Variants in MTMR10 observed in about 807,000 individuals in gnomAD.
MTMR10 encodes the protein myotubularin-related protein 10.
Under a neutral mutation model 88.1 loss-of-function variants are expected in MTMR10, and 56 were observed. That is an observed-to-expected ratio of 0.64 (90% CI 0.51 to 0.79). The LOEUF (loss-of-function observed/expected upper bound fraction) is 0.79. Ranked by LOEUF, MTMR10 falls within the 30% of genes least tolerant of loss-of-function variation. MTMR10 has a pLI of 0.00. For synonymous variants in MTMR10, 380 were observed against 340.9 expected (o/e 1.11, Z -1.26); for missense variants, 883 against 924.7 (o/e 0.95, Z 0.58).
At chr15:30,922,325 T>C in the MTMR10 span, 367 of 1,613,688 alleles carry the variant, frequency 2.3e-4, 2 homozygotes, top group East Asian at 5.5e-3. Context: ...GGCCCTTAAT[T>C]TACACCAGCA....
intron 9 of MTMR10, among the ~76,000 whole-genome samples, chr15:30,957,661 G>A (rs1014368124): frequency 2.0e-5 from 3 of 151,950 alleles, no homozygotes; most frequent in South Asian, 2.1e-4. Flanking sequence ...AGCCGAGATC[G>A]TACCACTGCA....
Position 30,991,624 on chromosome 15 carries a change from G to C in MTMR10, c.-118C>G, listed in dbSNP as rs1183076650. Reference sequence around the variant, plus strand: ...CTTTCTGCGGCCAGCCGAGCCGGGCGGACTGACGGGCGGGGATACGGCGCA... The same window carrying C: ...CTTTCTGCGGCCAGCCGAGCCGGGCCGACTGACGGGCGGGGATACGGCGCA... On this transcript the variant is annotated 5_prime_UTR_variant, in exon 1 of 16. Coordinates refer to ENST00000435680, the MANE Select transcript of MTMR10 (RefSeq NM_017762.3). 1.6e-6 allele frequency: 2 copies of C among 1,270,976 alleles called. No homozygotes were observed. The highest frequency in any genetic ancestry group is 2.1e-6 in the Non-Finnish European group (2 of 963,950). The allele number at this position is 1,270,976 out of a possible 1,614,324, so 78.7% of individuals were successfully genotyped here. A position where few individuals can be genotyped will look rare whatever the true frequency, so the allele number is the denominator to read the frequency against.
chr15:30,926,142 C>G, the MTMR10 span, among the ~76,000 whole-genome samples: 168 of 152,282 alleles, frequency 1.1e-3, 1 homozygote, highest in African/African-American at 3.8e-3. Flanking sequence ...CAGGGCCTGG[C>G]TCTGATCTTT....
chr15:30,966,887 G>A (rs1210199617), intron 6 of MTMR10, among the ~76,000 whole-genome samples: 1 of 132,768 alleles, frequency 7.5e-6, no homozygotes, highest in African/African-American at 2.8e-5. Context: ...TCCTCTCAGT[G>A]CTTAACAGAA....
At chr15:30,950,172 G>A (rs1202310328) in intron 12 of MTMR10, 1 of 152,140 alleles carries the variant, frequency 6.6e-6, no homozygotes, top group Non-Finnish European at 1.5e-5. Flanking sequence ...GATGAGTAGG[G>A]TTCTCCAATA....
In MTMR10 at chr15:30,953,465, A is replaced by G. The variant is rs1268175161; in HGVS notation, c.1136+97T>C. 3.5e-6 allele frequency: 3 copies of G among 865,016 alleles called. No individual in the cohort carries two copies. In the East Asian group the frequency reaches 8.0e-5, roughly 23 times the overall value. 53.6% of individuals were successfully genotyped at this position (865,016 alleles called of 1,614,324 possible). A position where few individuals can be genotyped will look rare whatever the true frequency, so the allele number is the denominator to read the frequency against. On this transcript the variant is annotated intron_variant, in intron 11 of 15. Transcript: ENST00000435680. ...TATTGGGGGAAGTTGGATGAAGAGT[A>G]AGTACATGGCCCTCTGTGCTATTTT...
At chr15:30,946,966 G>T (rs1459138523) in intron 14 of MTMR10, 164 bp downstream of exon 14, 3 of 924,326 alleles carry the variant, frequency 3.2e-6, no homozygotes, top group Non-Finnish European at 4.7e-6. Flanking sequence ...TAATTTCCTA[G>T]ATTTTTGTGT....
chr15:30,929,921 CATATATAATATATAAAATATATA>C, the MTMR10 span, among the ~76,000 whole-genome samples: 1 of 87,336 alleles, frequency 1.1e-5, no homozygotes, highest in Non-Finnish European at 2.1e-5. Context: ...TAATATATAT[CATATATAATATATAAAATATATA>C]ATATAATATA....
rs532079042 is a variant in MTMR10, at chr15:30,941,728, C to T, written c.2076G>A (p.Leu692=). The T allele has an allele frequency of 1.1e-5, 17 of 1,613,968 alleles. No homozygotes were observed. The East Asian group carries it at 1.6e-4, about 15-fold the overall frequency. ...LSLLADEVDV[L]SRMLRQQRSG... is the part of the protein sequence containing the mutation. ...TGCGCTGTTGCCGCAGCATCCTGCT[C>T]AGTACGTCGACTTCATCAGCCAGGA... The change falls in exon 16 of 16, where the codon CTG becomes CTA. Residue 692 remains leucine (L), a synonymous_variant. Transcript: ENST00000435680.
the MTMR10 span, chr15:30,920,402 G>A: frequency 3.2e-6 from 2 of 615,730 alleles, no homozygotes; most frequent in Non-Finnish European, 5.6e-6. Flanking sequence ...TAGGTTTGTG[G>A]TGTAGAAAAT....
chr15:30,925,693 G>C, the MTMR10 span: 1 of 1,366,712 alleles, frequency 7.3e-7, no homozygotes, highest in Non-Finnish European at 1.0e-6. Context: ...GACTGACTTT[G>C]TGGTAAGGGA....
At chr15:30,974,580 G>C in intron 4 of MTMR10, 124 bp from the exon 5 acceptor site, 2 of 948,286 alleles carry the variant, frequency 2.1e-6, no homozygotes, top group South Asian at 3.0e-5. Flanking sequence ...TGCTTGTCTA[G>C]AATGTTTCAT....
intron 2 of MTMR10, among the ~76,000 whole-genome samples, chr15:30,983,775 T>C (rs769514628): frequency 1.3e-5 from 2 of 152,242 alleles, no homozygotes; most frequent in Non-Finnish European, 2.9e-5. Context: ...CTGGTCACCC[T>C]AGCTTTAGGT....
At chr15:30,925,295 A>G in the MTMR10 span, 1 of 1,613,178 alleles carries the variant, frequency 6.2e-7, no homozygotes, top group South Asian at 1.1e-5. Context: ...GAAACACGTG[A>G]GGAAAGAGCC....
chr15:30,928,348 T>C, the MTMR10 span: 1 of 1,319,288 alleles, frequency 7.6e-7, no homozygotes, highest in African/African-American at 1.5e-5. Context: ...ATTTTTGCCC[T>C]TAAGGCTCTG....
At chr15:30,921,417 C>T in the MTMR10 span, among the ~76,000 whole-genome samples, 2 of 152,250 alleles carry the variant, frequency 1.3e-5, no homozygotes, top group East Asian at 3.9e-4. Flanking sequence ...AGAAATTTGT[C>T]GTATCCTAAA....
In MTMR10 at chr15:30,985,578, T is replaced by A. The variant is rs116176027; in HGVS notation, c.121+5199A>T. Among the ~76,000 whole-genome samples, 706 of 152,336 alleles carry A rather than the reference T, an allele frequency of 4.6e-3. 4 individuals carry two copies. The highest frequency in any genetic ancestry group is 0.016 in the African/African-American group (685 of 41,576). On this transcript the variant is annotated intron_variant, in intron 2 of 15. Transcript: ENST00000435680. ...CTCAGCAAACTATAGTTTTCACATC[T>A]GTCAAATGGAGATAAACTGGTATCC...
chr15:30,986,063 T>C (rs1255703773), intron 2 of MTMR10, among the ~76,000 whole-genome samples: 1 of 152,100 alleles, frequency 6.6e-6, no homozygotes, highest in Non-Finnish European at 1.5e-5. Context: ...ACGGCTATAA[T>C]CCCAACACTT....
chr15:30,989,239 G>A (rs1185395613), intron 2 of MTMR10, among the ~76,000 whole-genome samples: 1 of 152,038 alleles, frequency 6.6e-6, no homozygotes, highest in Non-Finnish European at 1.5e-5. Flanking sequence ...GACTAAAACA[G>A]AGCACACAGG....
Sources: gnomAD v4.1 joint callset for allele counts (sites outside exome capture counted in the v4.1 genomes callset) on GRCh38, gnomAD v4.1.1 for gene constraint, MANE v1.5 for transcripts, NCBI Gene and HGNC (gene_info 2026-07-23, HGNC 2026-07-21) for gene names.